The following CBLB variants were observed in gnomAD, a reference collection of about 807,000 sequenced individuals.
CBLB encodes the protein Cbl proto-oncogene B.
Under a neutral mutation model 104.9 loss-of-function variants are expected in CBLB, and 31 were observed. That is an observed-to-expected ratio of 0.30 (90% confidence interval 0.22 to 0.40). The LOEUF (loss-of-function observed/expected upper bound fraction) is 0.40, where lower values mean the gene tolerates loss of function less well. Ranked by LOEUF, CBLB falls within the 10% of genes least tolerant of loss-of-function variation. The pLI is 1.00. For synonymous variants in CBLB, 440 were observed against 422.6 expected, an observed-to-expected ratio of 1.04 and a Z score of -0.51; for missense variants, 1,062 against 1,214.6, an observed-to-expected ratio of 0.87 and a Z score of 1.87.
chr3:105,679,760 G>C (rs535573045), intron 16 of CBLB, among the ~76,000 whole-genome samples: 5 of 103,578 alleles, frequency 4.8e-5, no homozygotes, highest in African/African-American at 1.9e-4. Flanking sequence ...TGGTGACAGA[G>C]AAAGACTGTC....
At chr3:105,728,593 C>T (rs959363154) in intron 9 of CBLB, among the ~76,000 whole-genome samples, 4 of 152,102 alleles carry the variant, frequency 2.6e-5, no homozygotes, top group Non-Finnish European at 5.9e-5. Context: ...AGAAGATAAA[C>T]GTTTTGTTAA....
chr3:105,759,398 G>T (rs2077393824), intron 4 of CBLB, among the ~76,000 whole-genome samples: 2 of 152,314 alleles, frequency 1.3e-5, no homozygotes, highest in Non-Finnish European at 1.5e-5. Flanking sequence ...TGTCTTGAAG[G>T]TAGGGCTTCA....
intron 6 of CBLB, 142 bp from the exon 7 acceptor site, chr3:105,740,773 T>C (rs2075443642): frequency 4.1e-6 from 3 of 739,402 alleles, no homozygotes; most frequent in Admixed American, 4.2e-5. Context: ...TTCTAACTTA[T>C]TTTTAGCAAC....
At chr3:105,732,508 T>G (rs983827938) in intron 9 of CBLB, among the ~76,000 whole-genome samples, 1 of 152,070 alleles carries the variant, frequency 6.6e-6, no homozygotes, top group African/African-American at 2.4e-5. Context: ...AAGAGAAGTA[T>G]AGGGATTTTG....
At chr3:105,824,717 G>A (rs1215798902) in intron 3 of CBLB, among the ~76,000 whole-genome samples, 1 of 151,992 alleles carries the variant, frequency 6.6e-6, no homozygotes, top group African/African-American at 2.4e-5. Context: ...TGACAATTTG[G>A]AGAGGGAAGC....
At chr3:105,727,020 A>T (rs2073742912) in intron 9 of CBLB, among the ~76,000 whole-genome samples, 1 of 152,200 alleles carries the variant, frequency 6.6e-6, no homozygotes, top group South Asian at 2.1e-4. Context: ...CATACATGTG[A>T]ATGTGTCTTT....
intron 3 of CBLB, among the ~76,000 whole-genome samples, chr3:105,794,281 G>A (rs915859915): frequency 1.3e-5 from 2 of 152,136 alleles, no homozygotes; most frequent in African/African-American, 4.8e-5. Context: ...GGTCTTATGT[G>A]AACTAGCCTA....
chr3:105,818,673 A>C (rs549070963), intron 3 of CBLB, among the ~76,000 whole-genome samples: 40 of 152,294 alleles, frequency 2.6e-4, no homozygotes, highest in African/African-American at 9.4e-4. Flanking sequence ...AATGCTGTTT[A>C]CGTAACTCTA....
chr3:105,689,744 G>T (rs2152747795), intron 13 of CBLB, among the ~76,000 whole-genome samples: 1 of 151,372 alleles, frequency 6.6e-6, no homozygotes, highest in South Asian at 2.1e-4. Context: ...AAAGTAAAAA[G>T]AATCCACATA....
chr3:105,786,066 G>GC (rs11411615), intron 3 of CBLB, among the ~76,000 whole-genome samples: 24,318 of 145,722 alleles, frequency 0.17, 3,240 homozygotes, highest in Admixed American at 0.28. Flanking sequence ...AGGATCGGGG[G>GC]GGGGAAAGTG....
chr3:105,687,278 G>C (rs1333289523), intron 13 of CBLB, among the ~76,000 whole-genome samples: 1 of 152,064 alleles, frequency 6.6e-6, no homozygotes, highest in Non-Finnish European at 1.5e-5. Context: ...CCTGTTGCAG[G>C]TTCCCTCCAA....
chr3:105,823,660 T>G (rs1045296935), intron 3 of CBLB, among the ~76,000 whole-genome samples: 1 of 152,176 alleles, frequency 6.6e-6, no homozygotes, highest in Non-Finnish European at 1.5e-5. Flanking sequence ...CCTACTGCTA[T>G]GCAAGGTCTG....
intron 3 of CBLB, 27 bp downstream of exon 3, chr3:105,853,387 C>A (rs758179392): frequency 3.7e-6 from 6 of 1,611,604 alleles, no homozygotes; most frequent in Non-Finnish European, 5.1e-6. Context: ...GACCTTTACA[C>A]CAAAACATCT....
intron 10 of CBLB, among the ~76,000 whole-genome samples, chr3:105,714,779 T>C (rs748001375): frequency 2.0e-4 from 31 of 152,320 alleles, no homozygotes; most frequent in Middle Eastern, 6.8e-3. Flanking sequence ...TTCACACTTA[T>C]TAGGAAATGC....
chr3:105,696,800 T>C (rs1325928071), intron 12 of CBLB, among the ~76,000 whole-genome samples: 1 of 151,962 alleles, frequency 6.6e-6, no homozygotes, highest in East Asian at 1.9e-4. Flanking sequence ...TAATTGGTTT[T>C]AACTTTCCTT....
chr3:105,717,046 G>T (rs1035939180), intron 10 of CBLB, among the ~76,000 whole-genome samples: 6 of 152,054 alleles, frequency 3.9e-5, no homozygotes, highest in Admixed American at 3.9e-4. Context: ...ATTTCCTTTC[G>T]ATTGTTAGTG....
At chr3:105,823,339 C>T (rs900071627) in intron 3 of CBLB, among the ~76,000 whole-genome samples, 3 of 152,138 alleles carry the variant, frequency 2.0e-5, no homozygotes, top group Non-Finnish European at 4.4e-5. Flanking sequence ...GACCTTCCAT[C>T]CACACAACGT....
At chr3:105,780,906 C>T (rs528708607) in intron 3 of CBLB, among the ~76,000 whole-genome samples, 21 of 151,960 alleles carry the variant, frequency 1.4e-4, no homozygotes, top group South Asian at 1.2e-3. Flanking sequence ...ATGATCTGCC[C>T]GCCTCGGCCT....
chr3:105,734,779 A>G (rs972115182), intron 8 of CBLB, among the ~76,000 whole-genome samples: 1 of 152,210 alleles, frequency 6.6e-6, no homozygotes, highest in Non-Finnish European at 1.5e-5. Flanking sequence ...CTCTGACTAA[A>G]AAGTGCATAC....
Sources: allele counts gnomAD v4.1 joint callset (sites outside exome capture counted in the v4.1 genomes callset), GRCh38; gene constraint gnomAD v4.1.1; transcripts MANE v1.5; gene names NCBI Gene and HGNC (gene_info 2026-07-23, HGNC 2026-07-21).